Variants in SPMAP2L observed in about 807,000 individuals in gnomAD.
SPMAP2L encodes sperm microtubule associated protein 2-like.
chr4:56,567,442 G>GTTTTTTTTTTTTTT, the SPMAP2L span, among the ~76,000 whole-genome samples: 33 of 65,578 alleles, frequency 5.0e-4, no homozygotes, highest in South Asian at 6.3e-4. Flanking sequence ...AATTTTGGTG[G>GTTTTTTTTTTTTTT]TTTTTTTTTT....
At chr4:56,543,059 C>T in the SPMAP2L span, among the ~76,000 whole-genome samples, 3 of 151,356 alleles carry the variant, frequency 2.0e-5, no homozygotes, top group Non-Finnish European at 2.9e-5. Context: ...CTTTACAATA[C>T]AATCACTATG....
At chr4:56,615,480 G>A in the SPMAP2L span, among the ~76,000 whole-genome samples, 1 of 152,112 alleles carries the variant, frequency 6.6e-6, no homozygotes, top group Admixed American at 6.6e-5. Context: ...GGCACAGTGG[G>A]ACACGCCTGT....
At chr4:56,592,355 C>G in the SPMAP2L span, among the ~76,000 whole-genome samples, 2 of 152,202 alleles carry the variant, frequency 1.3e-5, no homozygotes, top group African/African-American at 4.8e-5. Flanking sequence ...AGCCTGGCCT[C>G]TTGGCTGAGT....
At chr4:56,611,049 A>T in the SPMAP2L span, among the ~76,000 whole-genome samples, 3 of 152,156 alleles carry the variant, frequency 2.0e-5, no homozygotes, top group South Asian at 4.1e-4. Context: ...CCCTTAGAAA[A>T]CTAAAAGTAG....
At chr4:56,533,061 A>G in the SPMAP2L span, among the ~76,000 whole-genome samples, 1 of 152,102 alleles carries the variant, frequency 6.6e-6, no homozygotes. Context: ...TCCTCACCTT[A>G]TATTCCATGG....
At chr4:56,620,309 C>A in the SPMAP2L span, among the ~76,000 whole-genome samples, 2 of 151,534 alleles carry the variant, frequency 1.3e-5, no homozygotes, top group Non-Finnish European at 2.9e-5. Flanking sequence ...GCTTATGTTC[C>A]AAAAGAGATT....
At chr4:56,532,568 C>T in the SPMAP2L span, among the ~76,000 whole-genome samples, 1 of 152,064 alleles carries the variant, frequency 6.6e-6, no homozygotes, top group Non-Finnish European at 1.5e-5. Context: ...TCAGACTCTC[C>T]CCTTCCACCA....
chr4:56,594,115 G>A, the SPMAP2L span: 1 of 1,608,320 alleles, frequency 6.2e-7, no homozygotes, highest in Non-Finnish European at 8.5e-7. Flanking sequence ...ATTTGTTGCG[G>A]ATCTTTGTTT....
chr4:56,594,276 A>G, the SPMAP2L span: 30 of 1,569,158 alleles, frequency 1.9e-5, no homozygotes, highest in Non-Finnish European at 2.6e-5. Flanking sequence ...TATATGAAGA[A>G]ACTGGAAAAT....
chr4:56,605,370 T>A, the SPMAP2L span, among the ~76,000 whole-genome samples: 9 of 152,228 alleles, frequency 5.9e-5, no homozygotes, highest in Admixed American at 5.9e-4. Flanking sequence ...GAGAGATGAT[T>A]TCATTAGAAT....
chr4:56,576,499 T>C, the SPMAP2L span, among the ~76,000 whole-genome samples: 1 of 152,154 alleles, frequency 6.6e-6, no homozygotes, highest in Non-Finnish European at 1.5e-5. Context: ...TATTGGGTAA[T>C]GGAAACTGTC....
the SPMAP2L span, among the ~76,000 whole-genome samples, chr4:56,561,871 C>T: frequency 1.8e-4 from 27 of 152,198 alleles, no homozygotes; most frequent in Middle Eastern, 3.4e-3. Flanking sequence ...TTACAGGCGC[C>T]CACCACCATG....
At chr4:56,578,267 C>T in the SPMAP2L span, among the ~76,000 whole-genome samples, 1 of 151,974 alleles carries the variant, frequency 6.6e-6, no homozygotes, top group African/African-American at 2.4e-5. Flanking sequence ...TTATTATATA[C>T]CATAGGAATT....
At chr4:56,591,233 T>C in the SPMAP2L span, among the ~76,000 whole-genome samples, 1 of 152,134 alleles carries the variant, frequency 6.6e-6, no homozygotes, top group African/African-American at 2.4e-5. Flanking sequence ...ACCTTCCCCT[T>C]TGCTCTGTCT....
the SPMAP2L span, among the ~76,000 whole-genome samples, chr4:56,556,596 G>A: frequency 6.6e-6 from 1 of 152,194 alleles, no homozygotes; most frequent in Non-Finnish European, 1.5e-5. Context: ...ATTGAGGATG[G>A]GCACAGTGGC....
chr4:56,553,753 T>C, the SPMAP2L span, among the ~76,000 whole-genome samples: 8 of 152,312 alleles, frequency 5.3e-5, no homozygotes, highest in East Asian at 1.5e-3. Context: ...GTTTGACAAA[T>C]GCATAATGTA....
chr4:56,600,097 C>CTTTCTTTTTTTTTTTTTT, the SPMAP2L span, among the ~76,000 whole-genome samples: 1 of 87,784 alleles, frequency 1.1e-5, no homozygotes, highest in African/African-American at 5.1e-5. Flanking sequence ...TCTTTGCTTT[C>CTTTCTTTTTTTTTTTTTT]TTTTTTTTTT....
At chr4:56,573,016 C>CAA in the SPMAP2L span, among the ~76,000 whole-genome samples, 21 of 112,540 alleles carry the variant, frequency 1.9e-4, no homozygotes, top group Non-Finnish European at 1.1e-4. Flanking sequence ...ACTCTATCTC[C>CAA]AAAAAAAAAA....
At chr4:56,604,451 G>A in the SPMAP2L span, among the ~76,000 whole-genome samples, 1 of 151,894 alleles carries the variant, frequency 6.6e-6, no homozygotes, top group Non-Finnish European at 1.5e-5. Flanking sequence ...CGAGGTCAGG[G>A]GTTCAAGACC....
Sources: allele counts gnomAD v4.1 joint callset (sites outside exome capture counted in the v4.1 genomes callset), GRCh38; gene constraint gnomAD v4.1.1; transcripts MANE v1.5; gene names NCBI Gene and HGNC (gene_info 2026-07-23, HGNC 2026-07-21).